The following KCNK17 variants were observed in gnomAD, a reference collection of about 807,000 sequenced individuals.
The protein encoded by KCNK17 is potassium channel subfamily K member 17.
A neutral mutation model predicts 24.6 loss-of-function variants in KCNK17; 27 were observed. That is an observed-to-expected ratio of 1.10 (90% CI 0.81 to 1.51). The LOEUF (loss-of-function observed/expected upper bound fraction) is 1.51. Among genes scored for constraint, KCNK17 ranks in the 40% most tolerant of loss-of-function variants. The probability of loss-of-function intolerance (pLI) is 0.00; values close to 1 mark genes in which losing one functional copy is unlikely to be tolerated. For missense variants in KCNK17, 450 were observed against 436.6 expected (o/e 1.03, Z -0.27); for synonymous variants, 181 against 189.8 (o/e 0.95, Z 0.38).
At position 39,299,728 on chromosome 6, in the gene KCNK17, G is replaced by T; in HGVS notation, c.698C>A (p.Pro233His). The change falls in exon 5 of 5, where the codon CCC (proline) becomes CAC (histidine). Residue 233 changes from proline to histidine, a missense_variant. Coordinates refer to ENST00000373231, the MANE Select transcript of KCNK17 (RefSeq NM_031460.4). ...GTACCACAGTGGGTACCTCTGGGAG[G>T]GGTTCATTCCTGGGGAAGAGGCAAG... is the stretch of plus-strand genomic sequence containing the variant. ...GFGDYVIGMN[P>H]SQRYPLWYKN... 1 of 1,613,266 alleles carries T rather than the reference G, an allele frequency of 6.2e-7. No individual in the cohort carries two copies. Among genetic ancestry groups the T allele is most frequent in the South Asian group, 1.1e-5 (1 of 91,018 alleles).
At chr6:39,301,613 C>T (rs1048473073) in intron 4 of KCNK17, among the ~76,000 whole-genome samples, 4 of 152,272 alleles carry the variant, frequency 2.6e-5, no homozygotes, top group African/African-American at 9.6e-5. Flanking sequence ...AGGCGCTCTT[C>T]TCCGTTTTTA....
intron 4 of KCNK17, 23 bp from the exon 5 acceptor site, chr6:39,299,760 C>G: frequency 6.2e-7 from 1 of 1,602,414 alleles, no homozygotes; most frequent in Non-Finnish European, 8.5e-7. Context: ...CAAGGTCAGA[C>G]GATGGAGGCC....
At chr6:39,305,682 C>T (rs966934653) in intron 2 of KCNK17, among the ~76,000 whole-genome samples, 1 of 152,194 alleles carries the variant, frequency 6.6e-6, no homozygotes, top group Admixed American at 6.5e-5. Flanking sequence ...GAGGTTATAA[C>T]CCTTCTTCAG....
intron 1 of KCNK17, among the ~76,000 whole-genome samples, chr6:39,312,062 C>G (rs1267717244): frequency 1.3e-5 from 2 of 152,096 alleles, no homozygotes; most frequent in Non-Finnish European, 2.9e-5. Flanking sequence ...CGGGCCCTGG[C>G]CTGTCTCCTG....
At chr6:39,312,057 C>A (rs1225343933) in intron 1 of KCNK17, among the ~76,000 whole-genome samples, 1 of 152,112 alleles carries the variant, frequency 6.6e-6, no homozygotes, top group African/African-American at 2.4e-5. Context: ...ATAGACGGGC[C>A]CTGGCCTGTC....
At chr6:39,304,264 C>T in intron 3 of KCNK17, 133 bp from the exon 4 acceptor site, 1 of 915,876 alleles carries the variant, frequency 1.1e-6, no homozygotes, top group South Asian at 1.6e-5. Flanking sequence ...TCTCCAGGTT[C>T]CCTGCCTGGA....
Position 39,299,383 on chromosome 6 carries a change from AG to A in KCNK17, c.*43del, listed in dbSNP as rs1562079210. On this transcript the variant is annotated 3_prime_UTR_variant, in exon 5 of 5. Coordinates refer to ENST00000373231, the MANE Select transcript of KCNK17 (RefSeq NM_031460.4). ...GTGGACATGTGCAAAGCTTAAAATCAGGGGTCTTGCTACCGAGGACGACGAC... is the reference window on the plus strand; with the variant it reads ...GTGGACATGTGCAAAGCTTAAAATCAGGGTCTTGCTACCGAGGACGACGAC... 2.0e-6 allele frequency: 3 copies of A among 1,470,022 alleles called. No individual in the cohort carries two copies. The South Asian group carries it at 3.7e-5, about 18-fold the overall frequency. 91.1% of individuals were successfully genotyped at this position (1,470,022 alleles called of 1,614,324 possible). A position where few individuals can be genotyped will look rare whatever the true frequency, so the allele number is the denominator to read the frequency against.
At chr6:39,303,857 C>A in intron 4 of KCNK17, 100 bp downstream of exon 4, 1 of 1,349,286 alleles carries the variant, frequency 7.4e-7, no homozygotes, top group Non-Finnish European at 1.0e-6. Context: ...AAAGCCCCCA[C>A]ATGGCGTGCA....
intron 4 of KCNK17, among the ~76,000 whole-genome samples, chr6:39,302,216 C>A (rs948922125): frequency 6.6e-6 from 1 of 152,128 alleles, no homozygotes; most frequent in African/African-American, 2.4e-5. Flanking sequence ...CTGCAGTGGC[C>A]GCTGGGCAGG....
At position 39,314,336 on chromosome 6, in the gene KCNK17, G is replaced by A. The variant is rs1283789572; in HGVS notation, c.-16C>T. 1.8e-5 allele frequency: 25 copies of A among 1,395,732 alleles called. No individual in the cohort carries two copies. The highest frequency in any genetic ancestry group is 2.2e-5 in the Non-Finnish European group (24 of 1,077,806). 86.5% of individuals were successfully genotyped at this position (1,395,732 alleles called of 1,614,324 possible). A position where few individuals can be genotyped will look rare whatever the true frequency, so the allele number is the denominator to read the frequency against. ...GTCGGTACATAGCGGGAGAGGCGGG[G>A]AGCCGGCGCCGGGAGCGGTGGACTA... On this transcript the variant is annotated 5_prime_UTR_variant, in exon 1 of 5. Coordinates refer to ENST00000373231, the MANE Select transcript of KCNK17 (RefSeq NM_031460.4).
chr6:39,314,110 G>T lies in KCNK17; in HGVS notation c.211C>A (p.Arg71Ser). 6.3e-7 allele frequency: 1 copy of T among 1,590,264 alleles called. No homozygotes were observed. Among genetic ancestry groups the T allele is most frequent in the South Asian group, 1.1e-5 (1 of 88,746 alleles). The change falls in exon 1 of 5, where the codon CGC becomes AGC. Residue 71 changes from arginine (R) to serine (S), a missense_variant. Transcript: ENST00000373231. ...CGGATCAGCGAGTCCAGCGCCGGGC[G>T]GTCCAGACACGTGAAGTTCTGCAAC... ...ELLQNFTCLD[R>S]PALDSLIRDV...
At chr6:39,313,872 G>C (rs534598668) in intron 1 of KCNK17, among the ~76,000 whole-genome samples, 9 of 152,344 alleles carry the variant, frequency 5.9e-5, no homozygotes, top group African/African-American at 2.2e-4. Context: ...CCTCTCGCTA[G>C]GGCGAGGGTC....
In KCNK17 at chr6:39,303,982, G is replaced by C. The variant is rs142837787; in HGVS notation, c.663C>G (p.Thr221=). ...GFYFAFITLS[T]VGFGDYVIGM... The stretch of plus-strand genomic sequence containing the variant: ...CAATCACGTAGTCGCCGAAGCCCAC[G>C]GTGCTGAGGGTGATGAAGGCGAAGT... Residue 221 remains threonine, a synonymous_variant, in exon 4 of 5, where the codon ACC becomes ACG. Transcript: ENST00000373231. The C allele has an allele frequency of 6.2e-7, 1 of 1,613,408 alleles. No homozygotes were observed. The highest frequency in any genetic ancestry group is 8.5e-7 in the Non-Finnish European group (1 of 1,179,944).
intron 4 of KCNK17, among the ~76,000 whole-genome samples, chr6:39,301,203 C>T (rs1173608873): frequency 6.6e-6 from 1 of 152,220 alleles, no homozygotes; most frequent in Non-Finnish European, 1.5e-5. Flanking sequence ...AGGATTTGCC[C>T]TATCATTTAG....
At chr6:39,303,731 T>C (rs572931553) in intron 4 of KCNK17, among the ~76,000 whole-genome samples, 137 of 152,076 alleles carry the variant, frequency 9.0e-4, no homozygotes, top group African/African-American at 3.2e-3. Flanking sequence ...CTAAGCACAA[T>C]AGGTGGGCCC....
chr6:39,303,825 G>A (rs905263586), intron 4 of KCNK17, 132 bp downstream of exon 4: 12 of 994,458 alleles, frequency 1.2e-5, no homozygotes, highest in Non-Finnish European at 1.8e-5. Flanking sequence ...GGGTAGGACA[G>A]TGTCTCCGGA....
chr6:39,313,562 C>T (rs749323449), intron 1 of KCNK17, among the ~76,000 whole-genome samples: 16 of 152,316 alleles, frequency 1.1e-4, no homozygotes, highest in Non-Finnish European at 2.4e-4. Context: ...CCTGCGCATC[C>T]TTAGACCCGG....
At chr6:39,300,693 G>A (rs549158561) in intron 4 of KCNK17, among the ~76,000 whole-genome samples, 1 of 152,286 alleles carries the variant, frequency 6.6e-6, no homozygotes, top group Admixed American at 6.5e-5. Flanking sequence ...GCCCGCTTCT[G>A]CAGCACACCT....
intron 1 of KCNK17, among the ~76,000 whole-genome samples, chr6:39,311,665 T>C (rs1180069725): frequency 1.3e-5 from 2 of 152,212 alleles, no homozygotes. Flanking sequence ...ATGCATTATA[T>C]AGGCATATAA....
Sources: allele counts gnomAD v4.1 joint callset (sites outside exome capture counted in the v4.1 genomes callset), GRCh38; gene constraint gnomAD v4.1.1; transcripts MANE v1.5; gene names NCBI Gene and HGNC (gene_info 2026-07-23, HGNC 2026-07-21).